The following PPP1R9A variants were observed in gnomAD, a reference collection of about 807,000 sequenced individuals.
The protein encoded by PPP1R9A is protein phosphatase 1 regulatory subunit 9A, also known as neurabin-1.
A neutral mutation model predicts 141.9 loss-of-function variants in PPP1R9A; 59 were observed. That is an observed-to-expected ratio of 0.42 (90% CI 0.34 to 0.52). The LOEUF (loss-of-function observed/expected upper bound fraction) is 0.52. Among genes scored for constraint, PPP1R9A ranks in the 20% least tolerant of loss-of-function variants. The pLI is 0.10. For synonymous variants in PPP1R9A, 500 were observed against 569.7 expected (o/e 0.88, Z 1.74); for missense variants, 1,444 against 1,611.9 (o/e 0.90, Z 1.78).
rs1290342732 is a variant in PPP1R9A at position 95,294,750 on chromosome 7, C to T, written c.*4447C>T. On this transcript the variant is annotated 3_prime_UTR_variant, in exon 20 of 20. Coordinates refer to ENST00000433360, the MANE Select transcript of PPP1R9A (RefSeq NM_001166160.2). ...GAAGTTGGAGGGGCAAAGAGAAAGC[C>T]GACAGAATCAGCTTCTCCTGGAAAG... 6.6e-6 allele frequency: 1 copy of T among 152,092 alleles called. No homozygotes were observed. The highest frequency in any genetic ancestry group is 1.5e-5 in the Non-Finnish European group (1 of 68,046). 9.4% of individuals were successfully genotyped at this position (152,092 alleles called of 1,614,324 possible). A position where few individuals can be genotyped will look rare whatever the true frequency, so the allele number is the denominator to read the frequency against.
intron 2 of PPP1R9A, among the ~76,000 whole-genome samples, chr7:94,978,022 A>C (rs908592531): frequency 6.6e-6 from 1 of 152,072 alleles, no homozygotes; most frequent in African/African-American, 2.4e-5. Context: ...CGGCCTCCCA[A>C]AGTGCTGGGA....
chr7:95,252,541 C>G (rs1231628808), intron 12 of PPP1R9A, among the ~76,000 whole-genome samples: 1 of 146,422 alleles, frequency 6.8e-6, no homozygotes, highest in East Asian at 2.1e-4. Flanking sequence ...AATCTCAGCT[C>G]ACTACAACCT....
rs1477083328 is a variant in PPP1R9A, at chr7:95,292,877, CTG to C, written c.*2576_*2577del. The stretch of plus-strand genomic sequence containing the variant: ...GTTTTCCTATTATTTCTTTTATTGA[CTG>C]TAGTGCATGATACCTAATCAAGGCT... On this transcript the variant is annotated 3_prime_UTR_variant, in exon 20 of 20. Coordinates refer to ENST00000433360, the MANE Select transcript of PPP1R9A (RefSeq NM_001166160.2). 6.6e-6 allele frequency: 1 copy of C among 152,150 alleles called. No individual in the cohort carries two copies. Among genetic ancestry groups the C allele is most frequent in the Non-Finnish European group, 1.5e-5 (1 of 68,016 alleles). 9.4% of individuals were successfully genotyped at this position (152,150 alleles called of 1,614,324 possible). A position where few individuals can be genotyped will look rare whatever the true frequency, so the allele number is the denominator to read the frequency against.
chr7:95,230,428 G>GA (rs904562391), intron 8 of PPP1R9A, among the ~76,000 whole-genome samples: 1 of 151,850 alleles, frequency 6.6e-6, no homozygotes, highest in African/African-American at 2.4e-5. Context: ...TACAAGAAAT[G>GA]AAAAAAGTTT....
chr7:94,910,308 A>C lies in PPP1R9A; in HGVS notation c.195A>C (p.Arg65Ser). The C allele has an allele frequency of 1.2e-6, 2 of 1,614,054 alleles. No individual in the cohort carries two copies. The highest frequency in any genetic ancestry group is 1.7e-6 in the Non-Finnish European group (2 of 1,180,010). ...RGRKYGSNVN[R>S]IKNLFMQMGM... Reference sequence around the variant, plus strand: ...GGAAATATGGCTCCAATGTCAACAGAATTAAAAACCTATTTATGCAGATGG... The same window carrying C: ...GGAAATATGGCTCCAATGTCAACAGCATTAAAAACCTATTTATGCAGATGG... The change falls in exon 2 of 20, where the codon AGA (arginine) becomes AGC (serine). Residue 65 changes from arginine to serine, a missense_variant. Arg to Ser is a moderately radical substitution (Grantham distance 110, BLOSUM62 -1). Around this residue, in one of 5 missense-constraint regions of PPP1R9A, gnomAD observed 490 missense variants for 521.1 expected, o/e 0.94. Coordinates refer to ENST00000433360, the MANE Select transcript of PPP1R9A (RefSeq NM_001166160.2). This position sits in a 1 kb window ranked among gnomAD's most constrained non-coding sequence, Gnocchi z 4.5.
chr7:95,004,849 G>A (rs1563107563), intron 2 of PPP1R9A, among the ~76,000 whole-genome samples: 1 of 152,122 alleles, frequency 6.6e-6, no homozygotes. Context: ...ATGGTGAAGG[G>A]GAAGGACACA....
intron 2 of PPP1R9A, among the ~76,000 whole-genome samples, chr7:95,104,965 A>G (rs1371737658): frequency 1.7e-5 from 2 of 115,876 alleles, no homozygotes; most frequent in African/African-American, 7.8e-5. Context: ...GCTTATCTCC[A>G]GGAGCACACT....
chr7:95,246,936 G>GA (rs765504620), intron 8 of PPP1R9A, among the ~76,000 whole-genome samples: 27 of 152,164 alleles, frequency 1.8e-4, no homozygotes, highest in Admixed American at 1.4e-3. Context: ...GCAATTAAAA[G>GA]AAAAAAATAT....
chr7:94,985,501 G>T (rs1195331858), intron 2 of PPP1R9A, among the ~76,000 whole-genome samples: 1 of 152,070 alleles, frequency 6.6e-6, no homozygotes, highest in African/African-American at 2.4e-5. Flanking sequence ...ATGAATCTGG[G>T]TGCTCCTGTA....
chr7:95,273,318 A>C (rs1434185834), intron 14 of PPP1R9A, among the ~76,000 whole-genome samples: 1 of 152,214 alleles, frequency 6.6e-6, no homozygotes, highest in Non-Finnish European at 1.5e-5. Flanking sequence ...CCCCTGTTTA[A>C]GGAGTCTCCC....
At chr7:95,234,998 CT>C (rs1563472051) in intron 8 of PPP1R9A, among the ~76,000 whole-genome samples, 5 of 152,118 alleles carry the variant, frequency 3.3e-5, no homozygotes, top group Non-Finnish European at 5.9e-5. Context: ...TATCTCTCAA[CT>C]TATACAAAAA....
intron 8 of PPP1R9A, among the ~76,000 whole-genome samples, chr7:95,238,700 C>A (rs909774778): frequency 5.9e-5 from 9 of 152,126 alleles, no homozygotes; most frequent in Admixed American, 2.0e-4. Context: ...GCACTTTCCC[C>A]CTCCCTAACT....
chr7:95,160,224 G>C (rs529455184), intron 4 of PPP1R9A, among the ~76,000 whole-genome samples: 1 of 152,154 alleles, frequency 6.6e-6, no homozygotes, highest in East Asian at 1.9e-4. Flanking sequence ...ACATGAATGA[G>C]CATTACATAT....
chr7:94,981,303 G>T (rs538295423), intron 2 of PPP1R9A, among the ~76,000 whole-genome samples: 2 of 152,194 alleles, frequency 1.3e-5, no homozygotes, highest in South Asian at 2.1e-4. Flanking sequence ...GCAAGATCTC[G>T]ATCTCGGCTC....
chr7:95,132,914 G>C (rs2152534194), intron 4 of PPP1R9A, among the ~76,000 whole-genome samples: 1 of 152,288 alleles, frequency 6.6e-6, no homozygotes. Context: ...AGAGTCCCAA[G>C]GTCTGAGATC....
chr7:95,001,640 T>C (rs1163432298), intron 2 of PPP1R9A, among the ~76,000 whole-genome samples: 2 of 152,188 alleles, frequency 1.3e-5, no homozygotes, highest in Admixed American at 6.5e-5. Context: ...TTTTGATTTG[T>C]GAGTCCAATC....
intron 2 of PPP1R9A, among the ~76,000 whole-genome samples, chr7:94,949,375 G>A (rs143306374): frequency 6.6e-6 from 1 of 152,260 alleles, no homozygotes; most frequent in Non-Finnish European, 1.5e-5. Flanking sequence ...GACTATTGTT[G>A]TATTAAGAAG....
At chr7:95,180,737 G>C (rs1833617724) in intron 5 of PPP1R9A, among the ~76,000 whole-genome samples, 1 of 151,916 alleles carries the variant, frequency 6.6e-6, no homozygotes, top group South Asian at 2.1e-4. Context: ...CAAAACAAAA[G>C]AAGATATACA....
At chr7:95,233,623 T>C (rs1796282125) in intron 8 of PPP1R9A, among the ~76,000 whole-genome samples, 1 of 152,160 alleles carries the variant, frequency 6.6e-6, no homozygotes, top group Non-Finnish European at 1.5e-5. Context: ...GTACCAATCC[T>C]ACTGACACTT....
Sources: allele counts gnomAD v4.1 joint callset (sites outside exome capture counted in the v4.1 genomes callset), GRCh38; gene constraint gnomAD v4.1.1; regional missense constraint gnomAD v4.1.1; non-coding constraint Gnocchi (gnomAD v3.1); transcripts MANE v1.5; gene names NCBI Gene and HGNC (gene_info 2026-07-23, HGNC 2026-07-21).